The following METTL27 variants were observed in gnomAD, a reference collection of about 807,000 sequenced individuals.
METTL27 encodes the protein methyltransferase-like protein 27.
A neutral mutation model predicts 24.5 loss-of-function variants in METTL27; 29 were observed. That is an observed-to-expected ratio of 1.18 (90% confidence interval 0.88 to 1.61). METTL27 has a LOEUF of 1.61. Ranked by LOEUF, METTL27 falls within the 40% of genes most tolerant of loss-of-function variation. The pLI is 0.00. For missense variants in METTL27, 341 were observed against 324.3 expected (o/e 1.05, Z -0.40); for synonymous variants, 138 against 146.8 (o/e 0.94, Z 0.43).
intron 2 of METTL27, 62 bp downstream of exon 2, chr7:73,841,956 C>A: frequency 6.2e-7 from 1 of 1,612,838 alleles, no homozygotes; most frequent in Non-Finnish European, 8.5e-7. Context: ...GGCTGATTCC[C>A]CACTTTACAG....
chr7:73,837,533 T>C (rs1166621414), intron 5 of METTL27, among the ~76,000 whole-genome samples: 1 of 151,162 alleles, frequency 6.6e-6, no homozygotes, highest in East Asian at 1.9e-4. Context: ...GGGCAGTCTT[T>C]CTGTGTCTTT....
intron 3 of METTL27, 31 bp from the exon 4 acceptor site, chr7:73,840,580 T>A (rs13242043): frequency 0.71 from 1,099,780 of 1,548,626 alleles, 397,010 homozygotes; most frequent in Non-Finnish European, 0.75. Context: ...TCAGTCATGG[T>A]TCACACCTGC....
intron 5 of METTL27, among the ~76,000 whole-genome samples, chr7:73,836,769 C>T (rs1387452799): frequency 1.2e-5 from 1 of 81,590 alleles, no homozygotes; most frequent in Non-Finnish European, 3.3e-5. Context: ...GCCACCACCC[C>T]GTCTGGGAGG....
At position 73,842,088 on chromosome 7, in the gene METTL27, G is replaced by A; in HGVS notation, c.53C>T (p.Ala18Val). The A allele has an allele frequency of 6.2e-7, 1 of 1,613,832 alleles. No individual in the cohort carries two copies. The highest frequency in any genetic ancestry group is 2.2e-5 in the East Asian group (1 of 44,862). Residue 18 changes from alanine to valine, a missense_variant, in exon 2 of 6, where the codon GCC becomes GTC. Transcript: ENST00000297873. ...SLPEVRARVR[A>V]AHGIPDLAQK... ...GGCCAGGTCGGGGATGCCATGCGCGGCCCTGACCCGCGCCCGCACCTCGGG... is the reference window on the plus strand; with the variant it reads ...GGCCAGGTCGGGGATGCCATGCGCGACCCTGACCCGCGCCCGCACCTCGGG...
At chr7:73,835,981 C>T (rs1381750313) in intron 5 of METTL27, among the ~76,000 whole-genome samples, 2 of 133,538 alleles carry the variant, frequency 1.5e-5, no homozygotes, top group East Asian at 2.0e-4. Context: ...GCCTGGCAGC[C>T]GCCCCGTCTG....
At chr7:73,842,172 A>G (rs1554636642) in intron 1 of METTL27, 28 bp from the exon 2 acceptor site, 10 of 1,583,054 alleles carry the variant, frequency 6.3e-6, no homozygotes, top group Non-Finnish European at 7.7e-6. Flanking sequence ...CCCTGTCTCG[A>G]GGTCCACCTC....
In METTL27 at chr7:73,840,212, C is replaced by T. The variant is rs373210579; in HGVS notation, c.389-92G>A. ...GCCTCAGACCACCCTAGGGGTGGGA[C>T]GAGGCTACTACCCGCATCTGCAGGA... On this transcript the variant is annotated intron_variant, in intron 4 of 5. Transcript: ENST00000297873. 156 of 1,472,860 alleles carry T rather than the reference C, an allele frequency of 1.1e-4. No homozygotes were observed. In the Middle Eastern group the frequency reaches 2.3e-3, roughly 22 times the overall value. The allele number at this position is 1,472,860 out of a possible 1,614,324, so 91.2% of individuals were successfully genotyped here. A position where few individuals can be genotyped will look rare whatever the true frequency, so the allele number is the denominator to read the frequency against.
intron 5 of METTL27, among the ~76,000 whole-genome samples, chr7:73,839,094 C>A (rs180969791): frequency 6.6e-6 from 1 of 152,082 alleles, no homozygotes; most frequent in Admixed American, 6.6e-5. Context: ...ACCAGCCTGG[C>A]CAACATGATG....
Position 73,840,505 on chromosome 7 carries a change from G to A in METTL27, c.297C>T (p.Ser99=). The change falls in exon 4 of 6, where the codon AGC becomes AGT. Residue 99 remains serine, a synonymous_variant. Coordinates refer to ENST00000297873, the MANE Select transcript of METTL27 (RefSeq NM_152559.3). ...CCTGGGCCTGTTCCAGCATCCCTGG[G>A]CTCCCATCCACCCCATGCAGCTGGA... is the stretch of plus-strand genomic sequence containing the variant. ...GFLQLHGVDG[S]PGMLEQAQAP... 1.2e-6 allele frequency: 2 copies of A among 1,611,350 alleles called. No homozygotes were observed. The highest frequency in any genetic ancestry group is 1.7e-6 in the Non-Finnish European group (2 of 1,179,232).
chr7:73,836,051 G>A (rs1241884246), intron 5 of METTL27, among the ~76,000 whole-genome samples: 1 of 151,888 alleles, frequency 6.6e-6, no homozygotes, highest in Non-Finnish European at 1.5e-5. Context: ...GAGCGTCTCC[G>A]CCCGGCAGCC....
intron 5 of METTL27, chr7:73,839,776 A>C: frequency 2.3e-6 from 1 of 438,188 alleles, no homozygotes. Context: ...CAGACTGGGA[A>C]AAGGAGGCTG....
Position 73,842,488 on chromosome 7 carries a change from A to C in METTL27, c.-5+2T>G, listed in dbSNP as rs1299597791. On this transcript the variant is annotated splice_donor_variant, in intron 1 of 5. Transcript: ENST00000297873. LOFTEE classifies it low-confidence loss of function (5UTR_SPLICE). ...TCGAAGGAGGCCGGAGTCAGAACTCACCGCCAATCCAGCGCGCCTCGGGCG... is the reference window on the plus strand; with the variant it reads ...TCGAAGGAGGCCGGAGTCAGAACTCCCCGCCAATCCAGCGCGCCTCGGGCG... 1 of 259,430 alleles carries C rather than the reference A, an allele frequency of 3.9e-6. No individual in the cohort carries two copies. Among genetic ancestry groups the C allele is most frequent in the Non-Finnish European group, 7.2e-6 (1 of 138,026 alleles). The allele number at this position is 259,430 out of a possible 1,614,324, so 16.1% of individuals were successfully genotyped here.
At chr7:73,838,784 T>G (rs1393648553) in intron 5 of METTL27, among the ~76,000 whole-genome samples, 2 of 152,036 alleles carry the variant, frequency 1.3e-5, no homozygotes, top group African/African-American at 2.4e-5. Context: ...CCCAGATGCC[T>G]GCCCAGACCT....
chr7:73,837,998 C>T (rs1254762333), intron 5 of METTL27, among the ~76,000 whole-genome samples: 1 of 151,496 alleles, frequency 6.6e-6, no homozygotes, highest in Non-Finnish European at 1.5e-5. Flanking sequence ...CACAGGTGCT[C>T]ACCACCACGC....
chr7:73,839,255 C>G (rs187130441), intron 5 of METTL27, among the ~76,000 whole-genome samples: 1 of 152,274 alleles, frequency 6.6e-6, no homozygotes, highest in Admixed American at 6.5e-5. Context: ...TGTACTCCAG[C>G]CTTGGTGACA....
intron 2 of METTL27, 27 bp downstream of exon 2, chr7:73,841,991 T>G (rs369494348): frequency 6.2e-7 from 1 of 1,613,950 alleles, no homozygotes; most frequent in South Asian, 1.1e-5. Context: ...GCTGGTCTAG[T>G]GGAGGCAAGG....
chr7:73,838,883 C>A (rs1788280311), intron 5 of METTL27, among the ~76,000 whole-genome samples: 1 of 152,156 alleles, frequency 6.6e-6, no homozygotes, highest in Non-Finnish European at 1.5e-5. Context: ...TGTCCTGCAG[C>A]CAGCCAGCGC....
Position 73,840,110 on chromosome 7 carries a change from G to T in METTL27, c.399C>A (p.Asp133Glu), listed in dbSNP as rs200039404. 1.5e-5 allele frequency: 24 copies of T among 1,588,520 alleles called. No individual in the cohort carries two copies. Among genetic ancestry groups the T allele is most frequent in the Non-Finnish European group, 2.0e-5 (23 of 1,167,742 alleles). Residue 133 changes from aspartate to glutamate, a missense_variant, in exon 5 of 6, where the codon GAC (aspartate) becomes GAA (glutamate). Transcript: ENST00000297873. Reference protein sequence around the residue: ...EPLPSPEGTFDAVLIVGALSD... With the variant: ...EPLPSPEGTFEAVLIVGALSD... The stretch of plus-strand genomic sequence containing the variant: ...TGAGGGCACCGACTATCAGCACCGC[G>T]TCGAAGGTCCCTGTGTGTGTGTGGG...
intron 5 of METTL27, among the ~76,000 whole-genome samples, chr7:73,838,233 ATG>A (rs1788261687): frequency 6.6e-6 from 1 of 152,110 alleles, no homozygotes; most frequent in African/African-American, 2.4e-5. Context: ...CTGCTGGAGG[ATG>A]TGACTGTGTC....
Sources: allele counts gnomAD v4.1 joint callset (sites outside exome capture counted in the v4.1 genomes callset), GRCh38; gene constraint gnomAD v4.1.1; transcripts MANE v1.5; gene names NCBI Gene and HGNC (gene_info 2026-07-23, HGNC 2026-07-21).